The following NEK7 variants were observed in gnomAD, a reference collection of about 807,000 sequenced individuals.
The protein encoded by NEK7 is NIMA related kinase 7.
In NEK7, 18 loss-of-function variants were observed where a neutral mutation model predicts 44.6. The ratio of observed to expected loss-of-function variants is 0.40; its 90% CI spans 0.28 to 0.60. NEK7 has a LOEUF of 0.60. Ranked by LOEUF, NEK7 falls within the 20% of genes least tolerant of loss-of-function variation. The probability of loss-of-function intolerance (pLI) is 0.38; values close to 1 mark genes in which losing one functional copy is unlikely to be tolerated. For synonymous variants in NEK7, 130 were observed against 121.1 expected, an observed-to-expected ratio of 1.07 and a Z score of -0.48; for missense variants, 256 against 366.5, an observed-to-expected ratio of 0.70 and a Z score of 2.46.
chr1:198,262,565 C>A lies in NEK7; in HGVS notation c.199-10C>A. Reference sequence around the variant, plus strand: ...TTATTTTATTAAGTAATTCTGGGTTCTGTTTTTAGATATTTGATTTAATGG... The same window carrying A: ...TTATTTTATTAAGTAATTCTGGGTTATGTTTTTAGATATTTGATTTAATGG... On this transcript the variant is annotated splice_polypyrimidine_tract_variant and intron_variant, in intron 3 of 9. Coordinates refer to ENST00000367385, the MANE Select transcript of NEK7 (RefSeq NM_133494.3). The A allele has an allele frequency of 1.9e-6, 3 of 1,557,452 alleles. No individual in the cohort carries two copies. The highest frequency in any genetic ancestry group is 2.6e-6 in the Non-Finnish European group (3 of 1,135,792).
intron 1 of NEK7, among the ~76,000 whole-genome samples, chr1:198,229,872 TTTC>T (rs1394409074): frequency 6.6e-6 from 1 of 152,210 alleles, no homozygotes; most frequent in Non-Finnish European, 1.5e-5. Flanking sequence ...GAGTTTTATG[TTTC>T]TTTTTTCATT....
chr1:198,246,423 A>G (rs759495222), intron 2 of NEK7, among the ~76,000 whole-genome samples: 3 of 152,250 alleles, frequency 2.0e-5, no homozygotes, highest in Non-Finnish European at 4.4e-5. Flanking sequence ...GTTTACATAC[A>G]CTGCCCACTG....
At chr1:198,246,671 C>G (rs1020132126) in intron 2 of NEK7, among the ~76,000 whole-genome samples, 9 of 152,264 alleles carry the variant, frequency 5.9e-5, no homozygotes, top group Admixed American at 5.9e-4. Context: ...TGCCAAAACA[C>G]ATTAGTAAGA....
At chr1:198,228,714 A>T (rs1176245970) in intron 1 of NEK7, among the ~76,000 whole-genome samples, 1 of 152,110 alleles carries the variant, frequency 6.6e-6, no homozygotes, top group East Asian at 1.9e-4. Context: ...TTGCACATTG[A>T]TTTTGTATCC....
At chr1:198,309,807 T>G (rs1406928587) in intron 9 of NEK7, among the ~76,000 whole-genome samples, 1 of 152,220 alleles carries the variant, frequency 6.6e-6, no homozygotes, top group Non-Finnish European at 1.5e-5. Flanking sequence ...TATTCCATGG[T>G]GTATATGTGC....
chr1:198,235,410 T>C lies in NEK7; in HGVS notation c.57+2773T>C, dbSNP rs567184309. 3.3e-5 allele frequency among the ~76,000 whole-genome samples: 5 copies of C among 152,292 alleles called. No homozygotes were observed. In the East Asian group the frequency reaches 9.6e-4, roughly 29 times the overall value. ...TCCCCCTTTCTTCCTTTCTTGATTCTTTCCACTAACATCTAGAAGGTACTG... is the reference window on the plus strand; with the variant it reads ...TCCCCCTTTCTTCCTTTCTTGATTCCTTCCACTAACATCTAGAAGGTACTG... On this transcript the variant is annotated intron_variant, in intron 2 of 9. Transcript: ENST00000367385.
intron 1 of NEK7, among the ~76,000 whole-genome samples, chr1:198,201,492 C>G (rs1369654353): frequency 6.6e-6 from 1 of 152,122 alleles, no homozygotes; most frequent in Non-Finnish European, 1.5e-5. Flanking sequence ...ACAGTTGGAA[C>G]AGAGAGCATT....
chr1:198,275,559 A>G (rs1369173684), intron 5 of NEK7, among the ~76,000 whole-genome samples: 1 of 151,292 alleles, frequency 6.6e-6, no homozygotes, highest in African/African-American at 2.4e-5. Flanking sequence ...CAAGGGAAAC[A>G]GGATTTTCAA....
Position 198,198,139 on chromosome 1 carries a change from G to A in NEK7, c.-28-34414G>A, listed in dbSNP as rs966935095. 4 of 857,936 alleles carry A rather than the reference G, an allele frequency of 4.7e-6. No homozygotes were observed. The East Asian group carries it at 7.6e-5, about 16-fold the overall frequency. 53.1% of individuals were successfully genotyped at this position (857,936 alleles called of 1,614,324 possible). On this transcript the variant is annotated intron_variant, in intron 1 of 9. Transcript: ENST00000367385. ...TGGAACCTCCAGGGTACCCTATGGTGGGGGGATATGGATTTGGTCCTGGCT... is the reference window on the plus strand; with the variant it reads ...TGGAACCTCCAGGGTACCCTATGGTAGGGGGATATGGATTTGGTCCTGGCT...
At chr1:198,159,479 C>T (rs933815728) in intron 1 of NEK7, among the ~76,000 whole-genome samples, 3 of 152,168 alleles carry the variant, frequency 2.0e-5, no homozygotes, top group Admixed American at 1.3e-4. Flanking sequence ...GCGGGTTTTA[C>T]TCTGAAATTA....
chr1:198,234,745 T>C (rs555482030), intron 2 of NEK7, among the ~76,000 whole-genome samples: 2 of 152,352 alleles, frequency 1.3e-5, no homozygotes, highest in South Asian at 4.1e-4. Flanking sequence ...CTGCTGCTGC[T>C]CCTGTGTGGG....
chr1:198,276,568 T>C (rs2102978088), intron 5 of NEK7, among the ~76,000 whole-genome samples: 1 of 151,864 alleles, frequency 6.6e-6, no homozygotes, highest in East Asian at 1.9e-4. Flanking sequence ...TGAAACATGA[T>C]ATGGGAGGTT....
intron 1 of NEK7, among the ~76,000 whole-genome samples, chr1:198,223,425 ATTATTC>A (rs1666125160): frequency 6.6e-6 from 1 of 152,184 alleles, no homozygotes; most frequent in Non-Finnish European, 1.5e-5. Flanking sequence ...GTAAAAGAGT[ATTATTC>A]TTATCAAATG....
chr1:198,186,271 G>A (rs1296099000), intron 1 of NEK7, among the ~76,000 whole-genome samples: 1 of 152,106 alleles, frequency 6.6e-6, no homozygotes, highest in African/African-American at 2.4e-5. Flanking sequence ...GGTTGTATGT[G>A]ATGTATGGCA....
intron 1 of NEK7, among the ~76,000 whole-genome samples, chr1:198,207,425 A>C (rs1397648520): frequency 6.6e-6 from 1 of 152,140 alleles, no homozygotes; most frequent in African/African-American, 2.4e-5. Context: ...AATATTTATA[A>C]TGGCTTTATT....
chr1:198,254,209 A>G (rs1210242434), intron 3 of NEK7, among the ~76,000 whole-genome samples: 2 of 152,174 alleles, frequency 1.3e-5, no homozygotes, highest in South Asian at 2.1e-4. Flanking sequence ...GATGTAAACA[A>G]TAATAGAGAT....
At chr1:198,263,709 C>A (rs963424399) in intron 4 of NEK7, among the ~76,000 whole-genome samples, 1 of 151,728 alleles carries the variant, frequency 6.6e-6, no homozygotes, top group Non-Finnish European at 1.5e-5. Flanking sequence ...TATTCTAGGA[C>A]CAACCATAAC....
chr1:198,284,407 C>G (rs1654307059), intron 7 of NEK7, among the ~76,000 whole-genome samples: 1 of 152,102 alleles, frequency 6.6e-6, no homozygotes, highest in Non-Finnish European at 1.5e-5. Flanking sequence ...GCTCTCTCTC[C>G]TAGAATTGAC....
At chr1:198,296,565 C>G (rs1654720676) in intron 8 of NEK7, among the ~76,000 whole-genome samples, 1 of 152,076 alleles carries the variant, frequency 6.6e-6, no homozygotes. Context: ...GAGACATTAT[C>G]AAAAGAGTTC....
Sources: allele counts gnomAD v4.1 joint callset (sites outside exome capture counted in the v4.1 genomes callset), GRCh38; gene constraint gnomAD v4.1.1; transcripts MANE v1.5; gene names NCBI Gene and HGNC (gene_info 2026-07-23, HGNC 2026-07-21).